NR2E1: variants seen among roughly 807,000 people sequenced by gnomAD.
NR2E1 encodes the protein nuclear receptor TLX.
A neutral mutation model predicts 43.6 loss-of-function variants in NR2E1; 5 were observed. The ratio of observed to expected loss-of-function variants is 0.11; its 90% CI spans 0.06 to 0.24. The LOEUF is 0.24. NR2E1 is among the 10% of genes least tolerant of loss of function. The pLI, the probability that NR2E1 is intolerant of heterozygous loss-of-function variation, is 1.00. For missense variants in NR2E1, 287 were observed against 496.7 expected, an observed-to-expected ratio of 0.58 and a Z score of 4.01; for synonymous variants, 191 against 195.5, an observed-to-expected ratio of 0.98 and a Z score of 0.19.
intron 8 of NR2E1, among the ~76,000 whole-genome samples, chr6:108,182,064 C>T (rs564317526): frequency 9.2e-5 from 14 of 152,010 alleles, no homozygotes; most frequent in South Asian, 2.1e-4. Context: ...AGTGAAACCC[C>T]GTCTCTACTA....
intron 5 of NR2E1, chr6:108,179,193 G>C (rs1773946869): frequency 6.6e-6 from 1 of 152,246 alleles, no homozygotes. Context: ...AGCATGAGAT[G>C]TTCTTGTTTT....
chr6:108,168,543 G>T (rs1001298014), intron 1 of NR2E1, among the ~76,000 whole-genome samples: 1 of 152,262 alleles, frequency 6.6e-6, no homozygotes, highest in Non-Finnish European at 1.5e-5. Context: ...AACTTTGGCC[G>T]TTCTAACTTG....
chr6:108,180,789 C>A lies in NR2E1; in HGVS notation c.740-18C>A, dbSNP rs1305505837. The A allele has an allele frequency of 6.2e-7, 1 of 1,611,708 alleles. No individual in the cohort carries two copies. Among genetic ancestry groups the A allele is most frequent in the Non-Finnish European group, 8.5e-7 (1 of 1,177,954 alleles). On this transcript the variant is annotated intron_variant, in intron 6 of 8. Transcript: ENST00000368986. This position sits in a 1 kb window ranked among gnomAD's most constrained non-coding sequence, Gnocchi z 5.4. Reference sequence around the variant, plus strand: ...AATGCCTTCATATTAGAGTATTTATCCCATATTTTTATTCTAGGCATGAAC... The same window carrying A: ...AATGCCTTCATATTAGAGTATTTATACCATATTTTTATTCTAGGCATGAAC...
chr6:108,169,041 CTCGCCTCACG>C lies in NR2E1; in HGVS notation c.25+2255_25+2264del, dbSNP rs1773761250. 6.6e-6 allele frequency: 1 copy of C among 152,286 alleles called. No homozygotes were observed. 9.4% of individuals were successfully genotyped at this position (152,286 alleles called of 1,614,324 possible). Reference sequence around the variant, plus strand: ...GTTTTCCAGCTTCAGGAAACTCCGGCTCGCCTCACGTCGGAGCTCGCTCGGCTTGCTAAAT... The same window carrying C: ...GTTTTCCAGCTTCAGGAAACTCCGGCTCGGAGCTCGCTCGGCTTGCTAAAT... On this transcript the variant is annotated intron_variant, in intron 1 of 8. Transcript: ENST00000368986. The surrounding 1 kb of genome is among the most constrained non-coding windows in gnomAD (Gnocchi z 6.1).
chr6:108,166,253 C>T lies in NR2E1; in HGVS notation c.-513C>T, dbSNP rs1773706490. 1 of 152,852 alleles carries T rather than the reference C, an allele frequency of 6.5e-6. No homozygotes were observed. The highest frequency in any genetic ancestry group is 1.5e-5 in the Non-Finnish European group (1 of 68,320). The allele number at this position is 152,852 out of a possible 1,614,324, so 9.5% of individuals were successfully genotyped here. A position where few individuals can be genotyped will look rare whatever the true frequency, so the allele number is the denominator to read the frequency against. ...TTCCGGCAGCGCGGAGCCCGTCTGCCTCTGAGACTGCGGTAGTGTTTTCCT... is the reference window on the plus strand; with the variant it reads ...TTCCGGCAGCGCGGAGCCCGTCTGCTTCTGAGACTGCGGTAGTGTTTTCCT... On this transcript the variant is annotated 5_prime_UTR_variant, in exon 1 of 9. Transcript: ENST00000368986. The surrounding 1 kb of genome is among the most constrained non-coding windows in gnomAD (Gnocchi z 7.2).
At chr6:108,182,651 C>T (rs370444884) in intron 8 of NR2E1, among the ~76,000 whole-genome samples, 22 of 151,162 alleles carry the variant, frequency 1.5e-4, no homozygotes, top group East Asian at 9.7e-4. Flanking sequence ...CTTCGCCTTC[C>T]GGGTTCAAGT....
chr6:108,166,842 C>T lies in NR2E1; in HGVS notation c.25+52C>T, dbSNP rs1224010830. 2 of 1,555,306 alleles carry T rather than the reference C, an allele frequency of 1.3e-6. No homozygotes were observed. The highest frequency in any genetic ancestry group is 8.7e-7 in the Non-Finnish European group (1 of 1,148,944). On this transcript the variant is annotated intron_variant, in intron 1 of 8. Coordinates refer to ENST00000368986, the MANE Select transcript of NR2E1 (RefSeq NM_003269.5). The surrounding 1 kb of genome is among the most constrained non-coding windows in gnomAD (Gnocchi z 7.2). Reference sequence around the variant, plus strand: ...GCCTAGGCGCGCAGCCTGGGGCGAGCGAGCGGGGAGGCTGGGGGAGGTCCT... The same window carrying T: ...GCCTAGGCGCGCAGCCTGGGGCGAGTGAGCGGGGAGGCTGGGGGAGGTCCT...
In NR2E1 at chr6:108,168,096, G is replaced by A. The variant is rs889438368; in HGVS notation, c.25+1306G>A. ...GCGGCCGGAATGCAGAGCGGACCCT[G>A]GCCCAGGACTGGGTTTCCCTTTAGG... On this transcript the variant is annotated intron_variant, in intron 1 of 8. Coordinates refer to ENST00000368986, the MANE Select transcript of NR2E1 (RefSeq NM_003269.5). 1.9e-6 allele frequency: 3 copies of A among 1,604,270 alleles called. No homozygotes were observed. In the Admixed American group the frequency reaches 5.1e-5, roughly 27 times the overall value.
In NR2E1 at chr6:108,188,636, C is replaced by T. The variant is rs1774115994; in HGVS notation, c.*1173C>T. ...CAAACATTTTTAAATAGCTGCTGTA[C>T]TTTTCACATTTTGATTTATTAGGTA... On this transcript the variant is annotated 3_prime_UTR_variant, in exon 9 of 9. Coordinates refer to ENST00000368986, the MANE Select transcript of NR2E1 (RefSeq NM_003269.5). The T allele has an allele frequency of 6.6e-6, 1 of 151,698 alleles. No individual in the cohort carries two copies. Among genetic ancestry groups the T allele is most frequent in the Admixed American group, 6.6e-5 (1 of 15,198 alleles). The allele number at this position is 151,698 out of a possible 1,614,324, so 9.4% of individuals were successfully genotyped here.
intron 8 of NR2E1, among the ~76,000 whole-genome samples, chr6:108,184,582 C>T (rs1242709989): frequency 6.6e-6 from 1 of 152,064 alleles, no homozygotes; most frequent in Non-Finnish European, 1.5e-5. Flanking sequence ...TGAATTGGTC[C>T]TTCAATGGGA....
At chr6:108,176,071 A>C (rs1387302220) in intron 3 of NR2E1, 1 of 172,100 alleles carries the variant, frequency 5.8e-6, no homozygotes. Context: ...TCTTGGACGG[A>C]GCTGGAAAAG....
At chr6:108,176,015 A>C in intron 3 of NR2E1, 1 of 159,208 alleles carries the variant, frequency 6.3e-6, no homozygotes, top group Admixed American at 6.1e-5. Flanking sequence ...CTCGGAGGCC[A>C]AAAGCTATTT....
chr6:108,174,321 CAGAA>C (rs1773860462), intron 2 of NR2E1, among the ~76,000 whole-genome samples: 2 of 152,158 alleles, frequency 1.3e-5, no homozygotes, highest in African/African-American at 4.8e-5. Context: ...CAGAAAGTGG[CAGAA>C]AGAGGTAGAC....
intron 1 of NR2E1, among the ~76,000 whole-genome samples, chr6:108,167,523 C>A (rs549271069): frequency 1.3e-5 from 2 of 152,152 alleles, no homozygotes; most frequent in African/African-American, 2.4e-5. Flanking sequence ...CCGAGACTCA[C>A]GAGCGCAGGG....
At chr6:108,181,706 G>A in intron 8 of NR2E1, 55 bp downstream of exon 8, 1 of 1,294,380 alleles carries the variant, frequency 7.7e-7, no homozygotes. Context: ...CATTGTGAAT[G>A]CCTGAGCAGG....
intron 3 of NR2E1, among the ~76,000 whole-genome samples, chr6:108,175,575 A>C (rs564887263): frequency 6.6e-6 from 1 of 152,322 alleles, no homozygotes; most frequent in African/African-American, 2.4e-5. Context: ...AGCAAGAACC[A>C]GGACGTCAGA....
At chr6:108,168,073 G>A (rs751474387) in intron 1 of NR2E1, 18 of 1,603,520 alleles carry the variant, frequency 1.1e-5, no homozygotes, top group African/African-American at 2.7e-5. Flanking sequence ...CCCTCACCGC[G>A]GCCGGAATGC....
chr6:108,177,523 T>G (rs562318389), intron 4 of NR2E1, among the ~76,000 whole-genome samples: 6 of 152,350 alleles, frequency 3.9e-5, no homozygotes, highest in Non-Finnish European at 8.8e-5. Flanking sequence ...CCTGGGCACA[T>G]GCACACGCAC....
At chr6:108,173,625 C>T (rs920143762) in intron 2 of NR2E1, among the ~76,000 whole-genome samples, 1 of 152,184 alleles carries the variant, frequency 6.6e-6, no homozygotes, top group Non-Finnish European at 1.5e-5. Context: ...AACATACTTA[C>T]TCCAACTCCA....
Sources: gnomAD v4.1 joint callset for allele counts (sites outside exome capture counted in the v4.1 genomes callset) on GRCh38, gnomAD v4.1.1 for gene constraint, Gnocchi (gnomAD v3.1) non-coding constraint, MANE v1.5 for transcripts, NCBI Gene and HGNC (gene_info 2026-07-23, HGNC 2026-07-21) for gene names.